EIPR1: variants seen among roughly 807,000 people sequenced by gnomAD.
EIPR1 encodes the protein EARP and GARP complex-interacting protein 1.
A neutral mutation model predicts 48.1 loss-of-function variants in EIPR1; 25 were observed. The ratio of observed to expected loss-of-function variants is 0.52; its 90% CI spans 0.38 to 0.73. The LOEUF (loss-of-function observed/expected upper bound fraction) is 0.73, where lower values mean the gene tolerates loss of function less well. EIPR1 is among the 30% of genes least tolerant of loss of function. EIPR1 has a pLI of 0.00. For missense variants in EIPR1, 415 were observed against 506.2 expected (o/e 0.82, Z 1.73); for synonymous variants, 204 against 201.9 (o/e 1.01, Z -0.09).
intron 2 of EIPR1, among the ~76,000 whole-genome samples, chr2:3,339,241 T>TGG (rs1670159637): frequency 6.6e-6 from 1 of 152,222 alleles, no homozygotes; most frequent in Non-Finnish European, 1.5e-5. Context: ...GGTGTCTGGA[T>TGG]GGTGGAATTA....
intron 4 of EIPR1, among the ~76,000 whole-genome samples, chr2:3,238,498 C>T (rs1666488404): frequency 6.6e-6 from 1 of 152,200 alleles, no homozygotes. Flanking sequence ...GGGGACCTTC[C>T]TCACATTCCT....
intron 1 of EIPR1, among the ~76,000 whole-genome samples, chr2:3,358,836 C>G (rs1474620982): frequency 1.3e-5 from 2 of 152,128 alleles, no homozygotes; most frequent in African/African-American, 2.4e-5. Flanking sequence ...GACAAGAACC[C>G]CAAGATTTTC....
At chr2:3,350,067 G>A (rs987221130) in intron 2 of EIPR1, among the ~76,000 whole-genome samples, 10 of 128,540 alleles carry the variant, frequency 7.8e-5, no homozygotes, top group African/African-American at 2.3e-4. Context: ...GCAGTGAGCC[G>A]AGATCACGCC....
intron 3 of EIPR1, among the ~76,000 whole-genome samples, chr2:3,274,996 C>G (rs1162557615): frequency 6.6e-6 from 1 of 151,502 alleles, no homozygotes; most frequent in Non-Finnish European, 1.5e-5. Flanking sequence ...GGACCAAAAC[C>G]CCCCAAAACA....
In EIPR1 at chr2:3,189,478, G is replaced by C. The variant is rs764941167; in HGVS notation, c.1020C>G (p.Ile340Met). 2.1e-5 allele frequency: 33 copies of C among 1,571,138 alleles called. No individual in the cohort carries two copies. The highest frequency in any genetic ancestry group is 2.8e-5 in the Non-Finnish European group (32 of 1,153,226). Residue 340 changes from isoleucine to methionine, a missense_variant, in exon 9 of 9, where the codon ATC (isoleucine) becomes ATG (methionine). Physicochemically the swap from Ile to Met is conservative, Grantham distance 10. Coordinates refer to ENST00000382125, the MANE Select transcript of EIPR1 (RefSeq NM_003310.5). This position sits in a 1 kb window ranked among gnomAD's most constrained non-coding sequence, Gnocchi z 4.6. ...TGTCCTCGTGCTCCTCGTAGGTGGC[G>C]ATCACGTTGTCCTGCAGGGGCTCCT... ...KSKEPLQDNVIATYEEHEDSV... is the reference protein window; with the variant it reads ...KSKEPLQDNVMATYEEHEDSV...
At chr2:3,350,144 A>AAAAAAC (rs1670529076) in intron 2 of EIPR1, among the ~76,000 whole-genome samples, 2 of 128,256 alleles carry the variant, frequency 1.6e-5, no homozygotes, top group Non-Finnish European at 1.7e-5. Flanking sequence ...AAAAAAAAAA[A>AAAAAAC]CTACCTGATA....
At chr2:3,200,654 C>T (rs566214982) in intron 5 of EIPR1, among the ~76,000 whole-genome samples, 81 of 134,448 alleles carry the variant, frequency 6.0e-4, no homozygotes, top group African/African-American at 2.2e-3. Flanking sequence ...GACACAGGGG[C>T]GGGGCAGGGA....
intron 4 of EIPR1, among the ~76,000 whole-genome samples, chr2:3,254,920 G>A (rs1311345494): frequency 6.6e-6 from 1 of 152,218 alleles, no homozygotes; most frequent in African/African-American, 2.4e-5. Context: ...TTGTGATACA[G>A]TACCATAGTT....
At chr2:3,362,880 G>A (rs1212990741) in intron 1 of EIPR1, among the ~76,000 whole-genome samples, 1 of 152,124 alleles carries the variant, frequency 6.6e-6, no homozygotes, top group African/African-American at 2.4e-5. Context: ...AAACCCTGGA[G>A]GGGACAACAG....
At chr2:3,287,206 CACGCTCCAGA>C (rs1271325643) in intron 3 of EIPR1, among the ~76,000 whole-genome samples, 4 of 151,978 alleles carry the variant, frequency 2.6e-5, no homozygotes, top group Non-Finnish European at 4.4e-5. Context: ...GTTCGTTCAC[CACGCTCCAGA>C]AAGCTCGTTC....
At chr2:3,295,549 C>G (rs1378542484) in intron 3 of EIPR1, among the ~76,000 whole-genome samples, 1 of 132,334 alleles carries the variant, frequency 7.6e-6, no homozygotes, top group African/African-American at 2.9e-5. Context: ...CACCCTCCAT[C>G]CAGCCCATCC....
intron 1 of EIPR1, among the ~76,000 whole-genome samples, chr2:3,368,071 AT>A (rs1304241261): frequency 6.6e-6 from 1 of 152,044 alleles, no homozygotes; most frequent in Non-Finnish European, 1.5e-5. Context: ...AGAAAATTTA[AT>A]CTCCATCTTC....
intron 4 of EIPR1, among the ~76,000 whole-genome samples, chr2:3,244,311 A>G (rs1666729634): frequency 6.6e-6 from 1 of 152,244 alleles, no homozygotes; most frequent in African/African-American, 2.4e-5. Flanking sequence ...TTTATTAAAC[A>G]TAGAAGAAAA....
chr2:3,377,591 C>G, intron 1 of EIPR1, 57 bp downstream of exon 1: 1 of 1,549,814 alleles, frequency 6.5e-7, no homozygotes, highest in Non-Finnish European at 8.7e-7. Context: ...ACCATGGGAC[C>G]GCGCATGCTA....
chr2:3,320,338 C>T (rs978631041), intron 3 of EIPR1: 6 of 160,908 alleles, frequency 3.7e-5, no homozygotes, highest in South Asian at 3.0e-4. Flanking sequence ...GCAGACAGCA[C>T]GACACCTGTG....
At chr2:3,276,574 G>A (rs777246143) in intron 3 of EIPR1, among the ~76,000 whole-genome samples, 19 of 152,192 alleles carry the variant, frequency 1.2e-4, no homozygotes, top group Non-Finnish European at 2.5e-4. Flanking sequence ...GCTGGTTTGG[G>A]AGCACAGTGG....
At chr2:3,303,230 C>T (rs1456493031) in intron 3 of EIPR1, among the ~76,000 whole-genome samples, 1 of 152,200 alleles carries the variant, frequency 6.6e-6, no homozygotes, top group African/African-American at 2.4e-5. Context: ...ACGTGAGGGG[C>T]TGGGTGGAAG....
intron 3 of EIPR1, among the ~76,000 whole-genome samples, chr2:3,322,355 G>A (rs924730763): frequency 3.3e-5 from 5 of 152,220 alleles, no homozygotes; most frequent in African/African-American, 1.2e-4. Context: ...AGTACTTACT[G>A]TTTTGTCTCG....
rs13004349 is a variant in EIPR1 at position 3,329,014 on chromosome 2, G to A, written c.259+9003C>T. 5.4e-4 allele frequency among the ~76,000 whole-genome samples: 32 copies of A among 58,940 alleles called. 7 individuals carry two copies. Among genetic ancestry groups the A allele is most frequent in the East Asian group, 3.7e-3 (2 of 534 alleles). The allele number at this position is 58,940 out of a possible 152,430, so 38.7% of individuals were successfully genotyped here. On this transcript the variant is annotated intron_variant, in intron 3 of 8. Transcript: ENST00000382125. Reference sequence around the variant, plus strand: ...CACCACGTTCTAATGATCTCAGGGTGCCAGCCTGGGCTCCCTGAATCAGAG... The same window carrying A: ...CACCACGTTCTAATGATCTCAGGGTACCAGCCTGGGCTCCCTGAATCAGAG...
Sources: gnomAD v4.1 joint callset for allele counts (sites outside exome capture counted in the v4.1 genomes callset) on GRCh38, gnomAD v4.1.1 for gene constraint, Gnocchi (gnomAD v3.1) non-coding constraint, MANE v1.5 for transcripts, NCBI Gene and HGNC (gene_info 2026-07-23, HGNC 2026-07-21) for gene names.